The following LMX1A variants were observed in gnomAD, a reference collection of about 807,000 sequenced individuals.
The protein encoded by LMX1A is LIM homeobox transcription factor 1 alpha, also known as LIM homeobox transcription factor 1-alpha.
Under a neutral mutation model 49.1 loss-of-function variants are expected in LMX1A, and 15 were observed. The ratio of observed to expected loss-of-function variants is 0.31; its 90% CI spans 0.20 to 0.47. LMX1A has a LOEUF of 0.47. LMX1A is among the 20% of genes least tolerant of loss of function. LMX1A has a pLI of 1.00. For missense variants in LMX1A, 372 were observed against 475.8 expected (o/e 0.78, Z 2.03); for synonymous variants, 167 against 185.7 (o/e 0.90, Z 0.82).
chr1:165,332,730 G>A (rs991423385), intron 3 of LMX1A, among the ~76,000 whole-genome samples: 4 of 152,098 alleles, frequency 2.6e-5, no homozygotes, highest in African/African-American at 9.7e-5. Flanking sequence ...GTAATAAGAT[G>A]GAGTTTGGGG....
intron 4 of LMX1A, among the ~76,000 whole-genome samples, chr1:165,231,565 T>C (rs1652242517): frequency 6.6e-6 from 1 of 152,212 alleles, no homozygotes; most frequent in Non-Finnish European, 1.5e-5. Flanking sequence ...ATTGCAGATG[T>C]GAGCCAATGT....
intron 4 of LMX1A, among the ~76,000 whole-genome samples, chr1:165,214,279 C>T (rs1394466342): frequency 2.0e-5 from 3 of 152,166 alleles, no homozygotes; most frequent in Non-Finnish European, 4.4e-5. Flanking sequence ...TCCTGCTTTG[C>T]CATGTAAGAC....
At position 165,206,007 on chromosome 1, in the gene LMX1A, C is replaced by T. The variant is rs1282464728; in HGVS notation, c.845G>A (p.Gly282Glu). The T allele has an allele frequency of 1.9e-6, 3 of 1,583,668 alleles. No homozygotes were observed. Among genetic ancestry groups the T allele is most frequent in the Non-Finnish European group, 2.6e-6 (3 of 1,165,608 alleles). Residue 282 changes from glycine (G) to glutamate (E), a missense_variant, in exon 8 of 9, where the codon GGG becomes GAG. Physicochemically the swap from Gly to Glu is moderately conservative, Grantham distance 98. This residue lies in a region of LMX1A where 127 missense variants were observed against 138.0 expected (regional missense o/e 0.92). Transcript: ENST00000342310. ...GTAGGGGTTCATGATTCCTTCCATCCCAGCACTCCCACCACCGTTTGTCTG... is the reference window on the plus strand; with the variant it reads ...GTAGGGGTTCATGATTCCTTCCATCTCAGCACTCCCACCACCGTTTGTCTG... ...SAQTNGGGSA[G>E]MEGIMNPYTA...
intron 4 of LMX1A, among the ~76,000 whole-genome samples, chr1:165,246,524 CTT>C (rs1652854153): frequency 6.6e-6 from 1 of 152,138 alleles, no homozygotes; most frequent in African/African-American, 2.4e-5. Flanking sequence ...TAGTTTTACT[CTT>C]TGTTAGATCT....
intron 3 of LMX1A, among the ~76,000 whole-genome samples, chr1:165,273,501 T>C (rs1432031492): frequency 6.6e-6 from 1 of 152,214 alleles, no homozygotes; most frequent in Non-Finnish European, 1.5e-5. Flanking sequence ...CTCTTGGAGC[T>C]TGTCAATTGA....
chr1:165,352,693 G>A (rs796313516), intron 3 of LMX1A, among the ~76,000 whole-genome samples: 1 of 152,356 alleles, frequency 6.6e-6, no homozygotes, highest in African/African-American at 2.4e-5. Flanking sequence ...GAGACACGGG[G>A]TCACTGGCAA....
intron 4 of LMX1A, among the ~76,000 whole-genome samples, chr1:165,217,988 C>T (rs1423869038): frequency 1.3e-5 from 2 of 150,884 alleles, no homozygotes; most frequent in Admixed American, 1.3e-4. Context: ...TTAGCCTTTG[C>T]ATGCCTCACA....
At chr1:165,341,470 G>A (rs1316657272) in intron 3 of LMX1A, among the ~76,000 whole-genome samples, 3 of 152,154 alleles carry the variant, frequency 2.0e-5, no homozygotes, top group African/African-American at 7.2e-5. Context: ...CAACTAACAT[G>A]CATTCACTAA....
chr1:165,308,905 G>A (rs1654995757), intron 3 of LMX1A, among the ~76,000 whole-genome samples: 1 of 152,110 alleles, frequency 6.6e-6, no homozygotes, highest in African/African-American at 2.4e-5. Context: ...TTAGCCAATG[G>A]GACCTGACAC....
intron 4 of LMX1A, among the ~76,000 whole-genome samples, chr1:165,232,819 C>G (rs1307210813): frequency 6.6e-6 from 1 of 152,136 alleles, no homozygotes; most frequent in Non-Finnish European, 1.5e-5. Flanking sequence ...TTAGGAAAAG[C>G]TAGCTGTGAC....
At chr1:165,321,730 C>T (rs938900661) in intron 3 of LMX1A, among the ~76,000 whole-genome samples, 1 of 152,030 alleles carries the variant, frequency 6.6e-6, no homozygotes, top group African/African-American at 2.4e-5. Context: ...AACAAAAGCA[C>T]AATCAACAAA....
intron 3 of LMX1A, among the ~76,000 whole-genome samples, chr1:165,288,659 A>T (rs1220109259): frequency 2.0e-5 from 3 of 152,174 alleles, no homozygotes. Flanking sequence ...TTCCCCAGGG[A>T]CTGTTCAAAC....
intron 8 of LMX1A, among the ~76,000 whole-genome samples, 191 bp from the exon 9 acceptor site, chr1:165,204,231 T>C (rs1312323431): frequency 6.6e-6 from 1 of 152,128 alleles, no homozygotes; most frequent in African/African-American, 2.4e-5. Flanking sequence ...TAAACCAGGA[T>C]ATGACAAAGT....
chr1:165,328,556 C>T (rs796125035), intron 3 of LMX1A, among the ~76,000 whole-genome samples: 10 of 152,338 alleles, frequency 6.6e-5, no homozygotes, highest in African/African-American at 2.2e-4. Flanking sequence ...CACCTGTGCC[C>T]TTGATGGCTG....
intron 3 of LMX1A, among the ~76,000 whole-genome samples, chr1:165,335,090 G>A (rs1398387427): frequency 6.6e-6 from 1 of 152,138 alleles, no homozygotes; most frequent in Non-Finnish European, 1.5e-5. Context: ...AAATTAGTTT[G>A]GGTTCTGAAA....
chr1:165,348,575 G>T (rs376641270), intron 3 of LMX1A, among the ~76,000 whole-genome samples: 1 of 152,088 alleles, frequency 6.6e-6, no homozygotes, highest in Non-Finnish European at 1.5e-5. Context: ...ATTTTATTGT[G>T]CCAGGAGTAG....
At chr1:165,309,922 A>G (rs1655027956) in intron 3 of LMX1A, among the ~76,000 whole-genome samples, 1 of 152,220 alleles carries the variant, frequency 6.6e-6, no homozygotes, top group Non-Finnish European at 1.5e-5. Context: ...TCATTTCCTC[A>G]AAGATGTCTC....
intron 4 of LMX1A, among the ~76,000 whole-genome samples, chr1:165,234,416 C>T (rs1038404497): frequency 6.6e-6 from 1 of 152,200 alleles, no homozygotes; most frequent in African/African-American, 2.4e-5. Flanking sequence ...TTGCGCCAGA[C>T]TCTATGATCT....
intron 3 of LMX1A, among the ~76,000 whole-genome samples, chr1:165,277,986 G>A (rs74118546): frequency 0.016 from 2,440 of 152,308 alleles, 63 homozygotes; most frequent in African/African-American, 0.055. Flanking sequence ...AATACTGTGT[G>A]CTAGTTGCTA....
Sources: allele counts gnomAD v4.1 joint callset (sites outside exome capture counted in the v4.1 genomes callset), GRCh38; gene constraint gnomAD v4.1.1; regional missense constraint gnomAD v4.1.1; transcripts MANE v1.5; gene names NCBI Gene and HGNC (gene_info 2026-07-23, HGNC 2026-07-21).